The following STK3 variants were observed in gnomAD, a reference collection of about 807,000 sequenced individuals.
STK3 encodes serine/threonine-protein kinase 3.
Under a neutral mutation model 58.0 loss-of-function variants are expected in STK3, and 41 were observed. The ratio of observed to expected loss-of-function variants is 0.71; its 90% CI spans 0.55 to 0.92. The LOEUF is 0.92. Ranked by LOEUF, STK3 falls within the 40% of genes least tolerant of loss-of-function variation. The pLI is 0.00. For missense variants in STK3, 479 were observed against 602.7 expected, an observed-to-expected ratio of 0.79 and a Z score of 2.15; for synonymous variants, 170 against 191.0, an observed-to-expected ratio of 0.89 and a Z score of 0.91.
At chr8:98,377,030 C>G (rs1035725964) in intron 2 of STK3, among the ~76,000 whole-genome samples, 2 of 152,094 alleles carry the variant, frequency 1.3e-5, no homozygotes, top group African/African-American at 4.8e-5. Flanking sequence ...GGGCACGTTC[C>G]TTCCCTCTTT....
chr8:98,698,277 T>C (rs1653784244), intron 6 of STK3, among the ~76,000 whole-genome samples: 1 of 151,706 alleles, frequency 6.6e-6, no homozygotes, highest in Admixed American at 6.6e-5. Context: ...GAGATGGGTT[T>C]CCTGAATACA....
chr8:98,417,849 C>T (rs1818131738), intron 3 of STK3, among the ~76,000 whole-genome samples: 1 of 152,222 alleles, frequency 6.6e-6, no homozygotes, highest in Non-Finnish European at 1.5e-5. Flanking sequence ...GGCAGCCCCC[C>T]AGGCATTCTC....
intron 8 of STK3, among the ~76,000 whole-genome samples, chr8:98,550,763 A>T (rs561650249): frequency 6.6e-6 from 1 of 152,268 alleles, no homozygotes; most frequent in Admixed American, 6.5e-5. Flanking sequence ...ATCACTTATG[A>T]GGCATAGGAT....
intron 1 of STK3, among the ~76,000 whole-genome samples, chr8:98,821,305 G>A (rs1490416450): frequency 1.3e-5 from 2 of 152,106 alleles, no homozygotes; most frequent in South Asian, 2.1e-4. Context: ...ATGATCTGAG[G>A]TGGAAGTTTC....
intron 6 of STK3, among the ~76,000 whole-genome samples, chr8:98,599,301 A>G (rs1816116236): frequency 1.3e-5 from 2 of 152,264 alleles, no homozygotes; most frequent in African/African-American, 4.8e-5. Flanking sequence ...TCTGGAAAGG[A>G]AATAAAGTAA....
At chr8:98,504,982 T>C (rs1404138884) in intron 10 of STK3, among the ~76,000 whole-genome samples, 1 of 152,232 alleles carries the variant, frequency 6.6e-6, no homozygotes, top group Non-Finnish European at 1.5e-5. Context: ...TCCTGAAAAG[T>C]GTTTTCCAAT....
intron 3 of STK3, among the ~76,000 whole-genome samples, chr8:98,406,460 T>G (rs1817994021): frequency 6.6e-6 from 1 of 151,904 alleles, no homozygotes; most frequent in Admixed American, 6.6e-5. Flanking sequence ...ACCTCCCCCC[T>G]CTAGGGTTCC....
At chr8:98,448,604 C>G (rs560448680) in intron 1 of STK3, among the ~76,000 whole-genome samples, 1 of 152,164 alleles carries the variant, frequency 6.6e-6, no homozygotes, top group Non-Finnish European at 1.5e-5. Context: ...ATTTAGCTTC[C>G]ACTCAACTAA....
At chr8:98,479,481 C>T (rs1173088996) in intron 10 of STK3, among the ~76,000 whole-genome samples, 4 of 16,928 alleles carry the variant, frequency 2.4e-4, no homozygotes, top group African/African-American at 6.5e-4. Flanking sequence ...AGCAACACTC[C>T]GTCTCGGGGG....
chr8:98,848,144 C>T (rs1411471228), intron 3 of STK3, among the ~76,000 whole-genome samples: 1 of 152,200 alleles, frequency 6.6e-6, no homozygotes, highest in East Asian at 1.9e-4. Flanking sequence ...GCATCCCTCA[C>T]CATAATCCAT....
chr8:98,871,748 A>T (rs1837388392), intron 3 of STK3, among the ~76,000 whole-genome samples: 1 of 152,188 alleles, frequency 6.6e-6, no homozygotes, highest in Non-Finnish European at 1.5e-5. Flanking sequence ...TTGGGCTGAG[A>T]TGATGGAGTT....
At chr8:98,742,699 T>A (rs984672960) in intron 4 of STK3, among the ~76,000 whole-genome samples, 3 of 151,484 alleles carry the variant, frequency 2.0e-5, no homozygotes, top group African/African-American at 7.3e-5. Flanking sequence ...TCACCACTCC[T>A]ATTCAACACA....
intron 6 of STK3, among the ~76,000 whole-genome samples, chr8:98,678,718 A>G (rs1336627242): frequency 6.6e-6 from 1 of 152,228 alleles, no homozygotes; most frequent in Non-Finnish European, 1.5e-5. Context: ...AGTATGTACT[A>G]ATGGGCACAG....
At chr8:98,825,340 C>A (rs913295994) in intron 1 of STK3, among the ~76,000 whole-genome samples, 175 bp downstream of exon 1, 19 of 152,074 alleles carry the variant, frequency 1.2e-4, no homozygotes, top group Admixed American at 1.2e-3. Flanking sequence ...CCCCTCAGGT[C>A]CCCTCGCCCG....
At chr8:98,851,786 T>C (rs1158829138) in intron 3 of STK3, among the ~76,000 whole-genome samples, 1 of 152,102 alleles carries the variant, frequency 6.6e-6, no homozygotes, top group East Asian at 1.9e-4. Flanking sequence ...CATATCAGGC[T>C]TTTAAATTTT....
intron 3 of STK3, among the ~76,000 whole-genome samples, chr8:98,854,295 T>A (rs1328574867): frequency 6.6e-6 from 1 of 152,038 alleles, no homozygotes; most frequent in Admixed American, 6.6e-5. Flanking sequence ...CCCACCACAA[T>A]GTCCAGCTAA....
chr8:98,483,246 T>TATTA (rs1275710841), intron 10 of STK3, among the ~76,000 whole-genome samples: 2 of 152,212 alleles, frequency 1.3e-5, no homozygotes, highest in Non-Finnish European at 2.9e-5. Flanking sequence ...TGGGGCCCAA[T>TATTA]ATTAACTTAC....
At chr8:98,915,119 A>T (rs1007111444) in intron 1 of STK3, among the ~76,000 whole-genome samples, 2 of 152,082 alleles carry the variant, frequency 1.3e-5, no homozygotes, top group African/African-American at 4.8e-5. Context: ...CAAAGTATTG[A>T]TCCTGGGTGT....
intron 1 of STK3, among the ~76,000 whole-genome samples, chr8:98,937,219 GT>G (rs1319792288): frequency 6.6e-6 from 1 of 152,290 alleles, no homozygotes; most frequent in East Asian, 1.9e-4. Flanking sequence ...AGAATGATTT[GT>G]TTTTTCTCTG....
Sources: gnomAD v4.1 joint callset for allele counts (sites outside exome capture counted in the v4.1 genomes callset) on GRCh38, gnomAD v4.1.1 for gene constraint, MANE v1.5 for transcripts, NCBI Gene and HGNC (gene_info 2026-07-23, HGNC 2026-07-21) for gene names.